Variants in ANKS1B observed in about 807,000 individuals in gnomAD.
ANKS1B encodes the protein ankyrin repeat and sterile alpha motif domain-containing protein 1B.
ANKS1B carries 36 observed loss-of-function variants against 148.3 expected under a neutral mutation model. The observed-to-expected ratio is 0.24, with a 90% CI of 0.19 to 0.32. ANKS1B has a LOEUF of 0.32. Ranked by LOEUF, ANKS1B falls within the 10% of genes least tolerant of loss-of-function variation. The pLI is 1.00. For missense variants in ANKS1B, 1,157 were observed against 1,542.6 expected (o/e 0.75, Z 4.19); for synonymous variants, 542 against 560.8 (o/e 0.97, Z 0.47).
intron 15 of ANKS1B, among the ~76,000 whole-genome samples, chr12:99,089,875 C>A (rs1404897152): frequency 6.6e-6 from 1 of 152,118 alleles, no homozygotes; most frequent in Non-Finnish European, 1.5e-5. Flanking sequence ...GTTTAAATAA[C>A]AATAATCAAT....
intron 9 of ANKS1B, among the ~76,000 whole-genome samples, chr12:99,560,174 G>A (rs916588098): frequency 1.8e-4 from 28 of 151,870 alleles, no homozygotes; most frequent in Admixed American, 1.7e-3. Flanking sequence ...AAGAGGAATT[G>A]ATCTCTAATT....
chr12:99,724,050 A>G (rs1567721389), intron 8 of ANKS1B, among the ~76,000 whole-genome samples: 1 of 151,938 alleles, frequency 6.6e-6, no homozygotes, highest in Admixed American at 6.6e-5. Context: ...AGAAAGGATC[A>G]ACAAAAAAAA....
At chr12:98,980,620 T>G (rs941697636) in intron 17 of ANKS1B, among the ~76,000 whole-genome samples, 3 of 152,232 alleles carry the variant, frequency 2.0e-5, no homozygotes, top group African/African-American at 7.2e-5. Flanking sequence ...TTCTTGTATC[T>G]TGTCTAGTAA....
chr12:99,418,530 G>A lies in ANKS1B; in HGVS notation c.1576-18719C>T, dbSNP rs192739680. ...GTCACAGGAGTGCTGTTTTTGTTTT[G>A]TTTTGTTTTGTTTTTTAGCTTGCTT... is the stretch of plus-strand genomic sequence containing the variant. On this transcript the variant is annotated intron_variant, in intron 11 of 26. Transcript: ENST00000683438. Among the ~76,000 whole-genome samples the A allele has an allele frequency of 5.0e-3, 768 of 152,122 alleles. 11 individuals carry two copies. Among genetic ancestry groups the A allele is most frequent in the African/African-American group, 0.018 (730 of 41,508 alleles).
chr12:99,272,177 T>G (rs1188725242), intron 12 of ANKS1B, among the ~76,000 whole-genome samples: 2 of 152,136 alleles, frequency 1.3e-5, no homozygotes, highest in Non-Finnish European at 2.9e-5. Flanking sequence ...ATGATTCCAG[T>G]ATGATATTAT....
intron 17 of ANKS1B, among the ~76,000 whole-genome samples, chr12:99,024,081 G>A (rs985615743): frequency 6.6e-6 from 1 of 151,718 alleles, no homozygotes. Flanking sequence ...TGTTATCAGT[G>A]GGTGTACTAT....
At chr12:99,667,048 T>G (rs1333692323) in intron 8 of ANKS1B, among the ~76,000 whole-genome samples, 2 of 152,114 alleles carry the variant, frequency 1.3e-5, no homozygotes, top group African/African-American at 4.8e-5. Flanking sequence ...GTACCAAATT[T>G]TAAAATTGAA....
At chr12:99,543,723 C>T (rs2097148083) in intron 9 of ANKS1B, among the ~76,000 whole-genome samples, 1 of 151,888 alleles carries the variant, frequency 6.6e-6, no homozygotes, top group South Asian at 2.1e-4. Flanking sequence ...ACTTTAAAAA[C>T]ATTATGCTAA....
intron 12 of ANKS1B, among the ~76,000 whole-genome samples, chr12:99,311,670 G>A (rs762862297): frequency 1.3e-5 from 2 of 152,044 alleles, no homozygotes; most frequent in Non-Finnish European, 2.9e-5. Flanking sequence ...TTAAAGAAGT[G>A]CCAGGCATTT....
intron 4 of ANKS1B, among the ~76,000 whole-genome samples, chr12:99,801,813 G>A (rs1014872761): frequency 2.0e-5 from 3 of 152,158 alleles, no homozygotes; most frequent in Admixed American, 1.3e-4. Flanking sequence ...CAATGAACAA[G>A]TAGAGAGGAA....
intron 8 of ANKS1B, among the ~76,000 whole-genome samples, chr12:99,684,835 C>G (rs1048075709): frequency 1.3e-5 from 2 of 152,008 alleles, no homozygotes; most frequent in African/African-American, 4.8e-5. Context: ...GAAAAGATAT[C>G]CTATTCAACA....
intron 10 of ANKS1B, among the ~76,000 whole-genome samples, chr12:99,473,231 C>T (rs1230262522): frequency 6.6e-6 from 1 of 151,940 alleles, no homozygotes; most frequent in East Asian, 1.9e-4. Flanking sequence ...TATGACAATT[C>T]TGACTCCTTT....
At chr12:99,802,190 T>C (rs1220887122) in intron 4 of ANKS1B, among the ~76,000 whole-genome samples, 1 of 152,218 alleles carries the variant, frequency 6.6e-6, no homozygotes, top group African/African-American at 2.4e-5. Context: ...TTATTAACTT[T>C]CTGTAATTTT....
chr12:99,264,085 CTTA>C (rs1018545402), intron 12 of ANKS1B, among the ~76,000 whole-genome samples: 10 of 152,054 alleles, frequency 6.6e-5, no homozygotes, highest in Non-Finnish European at 1.5e-4. Flanking sequence ...TATCTAGATT[CTTA>C]TATGACTTTT....
At chr12:99,660,511 C>A (rs1158294814) in intron 8 of ANKS1B, among the ~76,000 whole-genome samples, 1 of 151,678 alleles carries the variant, frequency 6.6e-6, no homozygotes, top group Non-Finnish European at 1.5e-5. Context: ...TTAGAGGTGC[C>A]CACCATCACA....
rs117295724 is a variant in ANKS1B at position 99,366,315 on chromosome 12, C to T, written c.1756+33316G>A. On this transcript the variant is annotated intron_variant, in intron 12 of 26. Coordinates refer to ENST00000683438, the MANE Select transcript of ANKS1B (RefSeq NM_001352186.2). ...TTGGTTCCCGGGCTCTGATAACCAC[C>T]ATTTCCTTTTGTCTCTCAGCCTCAG... Among the ~76,000 whole-genome samples, 107 of 152,304 alleles carry T rather than the reference C, an allele frequency of 7.0e-4. No individual in the cohort carries two copies. In the East Asian group the frequency reaches 0.012, roughly 17 times the overall value.
At chr12:98,884,521 C>T (rs1054238550) in intron 17 of ANKS1B, among the ~76,000 whole-genome samples, 13 of 152,240 alleles carry the variant, frequency 8.5e-5, no homozygotes, top group South Asian at 4.1e-4. Context: ...ATTTGGGGGC[C>T]GGGCGCGGTG....
intron 12 of ANKS1B, among the ~76,000 whole-genome samples, chr12:99,315,138 G>C (rs2083816049): frequency 1.3e-5 from 2 of 151,716 alleles, no homozygotes; most frequent in Admixed American, 6.6e-5. Context: ...AGCTACTCAG[G>C]AGGCTGAAAC....
At chr12:98,894,789 G>A (rs375320676) in intron 17 of ANKS1B, 14 of 984,892 alleles carry the variant, frequency 1.4e-5, no homozygotes, top group African/African-American at 1.8e-5. Flanking sequence ...AGGCGAGGGC[G>A]AGCGCGCCGA....
Sources: allele counts gnomAD v4.1 joint callset (sites outside exome capture counted in the v4.1 genomes callset), GRCh38; gene constraint gnomAD v4.1.1; transcripts MANE v1.5; gene names NCBI Gene and HGNC (gene_info 2026-07-23, HGNC 2026-07-21).